Variants in ZNF777 observed in about 807,000 individuals in gnomAD.
ZNF777 encodes zinc finger protein 777.
ZNF777 carries 7 observed loss-of-function variants against 72.1 expected under a neutral mutation model. The observed-to-expected ratio is 0.10, with a 90% CI of 0.06 to 0.18. The LOEUF is 0.18. Among genes scored for constraint, ZNF777 ranks in the 10% least tolerant of loss-of-function variants. The pLI is 1.00. For missense variants in ZNF777, 828 were observed against 1,128.6 expected, an observed-to-expected ratio of 0.73 and a Z score of 3.82; for synonymous variants, 545 against 483.5, an observed-to-expected ratio of 1.13 and a Z score of -1.67.
rs529651785 is a variant in ZNF777, at chr7:149,460,875, G to C, written c.-76C>G. ...GGCCGGGAGGCGCGCGGGCGGAGGCGCAGTCGGAGCGCGCAGCCCAGGCGA... is the reference window on the plus strand; with the variant it reads ...GGCCGGGAGGCGCGCGGGCGGAGGCCCAGTCGGAGCGCGCAGCCCAGGCGA... On this transcript the variant is annotated 5_prime_UTR_variant, in exon 1 of 6. Transcript: ENST00000247930. This position sits in a 1 kb window ranked among gnomAD's most constrained non-coding sequence, Gnocchi z 6.1. 6.6e-6 allele frequency: 1 copy of C among 152,452 alleles called. No homozygotes were observed. Among genetic ancestry groups the C allele is most frequent in the South Asian group, 2.1e-4 (1 of 4,834 alleles). 9.4% of individuals were successfully genotyped at this position (152,452 alleles called of 1,614,324 possible).
rs1234912179 is a variant in ZNF777, at chr7:149,431,497, C to CTGAT, written c.*275_*278dup. The CTGAT allele has an allele frequency of 2.2e-5, 10 of 451,568 alleles. No homozygotes were observed. The highest frequency in any genetic ancestry group is 1.4e-4 in the African/African-American group (7 of 49,774). The allele number at this position is 451,568 out of a possible 1,614,324, so 28.0% of individuals were successfully genotyped here. ...CGGCGGCCAAATCACGCCCCCCGTG[C>CTGAT]TGATTGGTTTCATCCATTTTATTGT... is the stretch of plus-strand genomic sequence containing the variant. On this transcript the variant is annotated 3_prime_UTR_variant, in exon 6 of 6. Transcript: ENST00000247930.
At position 149,460,333 on chromosome 7, in the gene ZNF777, G is replaced by A. The variant is rs573646794; in HGVS notation, c.-16+482C>T. 6.8e-4 allele frequency among the ~76,000 whole-genome samples: 99 copies of A among 145,966 alleles called. 1 individual carries two copies. The highest frequency in any genetic ancestry group is 1.1e-3 in the Non-Finnish European group (71 of 65,746). On this transcript the variant is annotated intron_variant, in intron 1 of 5. Transcript: ENST00000247930. This position sits in a 1 kb window ranked among gnomAD's most constrained non-coding sequence, Gnocchi z 6.1. The stretch of plus-strand genomic sequence containing the variant: ...CCGGCCTGCTCGGGGCGCGCGGGGC[G>A]AGCGGGCGCGGGGTCGCGGAGCCCG...
At chr7:149,452,393 G>A (rs1440614578) in intron 3 of ZNF777, among the ~76,000 whole-genome samples, 1 of 152,082 alleles carries the variant, frequency 6.6e-6, no homozygotes. Context: ...CACTTTGGGA[G>A]GCCGAGGTGG....
At chr7:149,435,324 C>T (rs923314032) in intron 5 of ZNF777, among the ~76,000 whole-genome samples, 1 of 152,130 alleles carries the variant, frequency 6.6e-6, no homozygotes, top group African/African-American at 2.4e-5. Flanking sequence ...GCATGCGCCA[C>T]CATTCCCGGC....
chr7:149,436,750 G>A lies in ZNF777; in HGVS notation c.1164C>T (p.Pro388=), dbSNP rs747317852. 8 of 1,614,106 alleles carry A rather than the reference G, an allele frequency of 5.0e-6. No individual in the cohort carries two copies. Among genetic ancestry groups the A allele is most frequent in the South Asian group, 1.1e-5 (1 of 91,074 alleles). ...EGSESLETPE[P]LMGQVEEHGF... is the part of the protein sequence containing the mutation. The stretch of plus-strand genomic sequence containing the variant: ...CGTGCTCTTCCACCTGTCCCATCAG[G>A]GGCTCAGGTGTCTCCAAACTTTCTG... The change falls in exon 5 of 6, where the codon CCC becomes CCT. Residue 388 remains proline, a synonymous_variant. Coordinates refer to ENST00000247930, the MANE Select transcript of ZNF777 (RefSeq NM_015694.3). This position sits in a 1 kb window ranked among gnomAD's most constrained non-coding sequence, Gnocchi z 5.0.
Position 149,432,507 on chromosome 7 carries a change from G to A in ZNF777, c.1765C>T (p.Leu589Phe), listed in dbSNP as rs374322557. Residue 589 changes from leucine (L) to phenylalanine (F), a missense_variant, in exon 6 of 6, where the codon CTC (leucine) becomes TTC (phenylalanine). Leu to Phe is a conservative substitution (Grantham distance 22, BLOSUM62 0). Around this residue, in one of 12 missense-constraint regions of ZNF777, gnomAD observed 100 missense variants for 106.2 expected, o/e 0.94. Transcript: ENST00000247930. ...CEISFRHKQQ[L>F]TLHQRIHRVR... ...CGGTGGATGCGCTGGTGCAGCGTGA[G>A]CTGTTGCTTGTGCCGGAAGCTGATC... The A allele has an allele frequency of 4.3e-6, 7 of 1,613,906 alleles. No homozygotes were observed. The highest frequency in any genetic ancestry group is 5.9e-6 in the Non-Finnish European group (7 of 1,179,872).
chr7:149,444,706 C>T (rs1799575371), intron 4 of ZNF777, among the ~76,000 whole-genome samples: 1 of 152,238 alleles, frequency 6.6e-6, no homozygotes. Flanking sequence ...AAAGGCACTA[C>T]TCTACTGTCT....
intron 4 of ZNF777, among the ~76,000 whole-genome samples, chr7:149,443,201 G>T (rs1226190290): frequency 6.6e-6 from 1 of 151,362 alleles, no homozygotes; most frequent in Admixed American, 6.6e-5. Flanking sequence ...ACTACTGTCA[G>T]CTATGAAAAA....
At chr7:149,438,914 C>G (rs59682733) in intron 4 of ZNF777, among the ~76,000 whole-genome samples, 3 of 152,246 alleles carry the variant, frequency 2.0e-5, no homozygotes, top group African/African-American at 4.8e-5. Flanking sequence ...TTTACCCCCC[C>G]GCCACAGCCT....
At chr7:149,446,079 T>C (rs534336111) in intron 4 of ZNF777, among the ~76,000 whole-genome samples, 1 of 152,334 alleles carries the variant, frequency 6.6e-6, no homozygotes, top group South Asian at 2.1e-4. Flanking sequence ...GTTTCTTCAC[T>C]CTTGTTTTAG....
intron 4 of ZNF777, among the ~76,000 whole-genome samples, chr7:149,446,041 C>T (rs895667162): frequency 2.0e-5 from 3 of 152,146 alleles, no homozygotes; most frequent in Non-Finnish European, 4.4e-5. Context: ...TGAAAAACTT[C>T]GTTGCTGTTT....
intron 4 of ZNF777, among the ~76,000 whole-genome samples, chr7:149,449,981 T>A (rs1303042182): frequency 6.6e-6 from 1 of 152,186 alleles, no homozygotes; most frequent in Non-Finnish European, 1.5e-5. Context: ...GAACATCTGC[T>A]TGGAGCCAGT....
intron 4 of ZNF777, among the ~76,000 whole-genome samples, chr7:149,442,302 C>G (rs1421685811): frequency 1.4e-5 from 2 of 147,996 alleles, no homozygotes; most frequent in East Asian, 4.0e-4. Context: ...CACACACACA[C>G]AGACACACAC....
rs953446138 is a variant in ZNF777, at chr7:149,455,331, G to A, written c.692C>T (p.Ala231Val). The change falls in exon 2 of 6, where the codon GCG becomes GTG. Residue 231 changes from alanine (A) to valine (V), a missense_variant. Physicochemically the swap from Ala to Val is moderately conservative, Grantham distance 64. This residue lies in a region of ZNF777 where 76 missense variants were observed against 157.3 expected (regional missense o/e 0.48). Transcript: ENST00000247930. This position sits in a 1 kb window ranked among gnomAD's most constrained non-coding sequence, Gnocchi z 4.2. ...GACCCACTTGCTCTCCAGATGGTTCGCGAACTCCACGGCTGTCTTCTCGCA... is the reference window on the plus strand; with the variant it reads ...GACCCACTTGCTCTCCAGATGGTTCACGAACTCCACGGCTGTCTTCTCGCA... ...ADCEKTAVEF[A>V]NHLESKWVVL... 5 of 1,614,064 alleles carry A rather than the reference G, an allele frequency of 3.1e-6. No individual in the cohort carries two copies. Among genetic ancestry groups the A allele is most frequent in the African/African-American group, 1.3e-5 (1 of 74,914 alleles).
rs538637526 is a variant in ZNF777 at position 149,436,006 on chromosome 7, C to T, written c.1339+569G>A. Reference sequence around the variant, plus strand: ...TGGCTCAGCATCAGAAAATCCATCACGAAAGATGTCCTGGGATCAGGCCAC... The same window carrying T: ...TGGCTCAGCATCAGAAAATCCATCATGAAAGATGTCCTGGGATCAGGCCAC... On this transcript the variant is annotated intron_variant, in intron 5 of 5. Coordinates refer to ENST00000247930, the MANE Select transcript of ZNF777 (RefSeq NM_015694.3). The surrounding 1 kb of genome is among the most constrained non-coding windows in gnomAD (Gnocchi z 5.0). Among the ~76,000 whole-genome samples the T allele has an allele frequency of 7.0e-4, 107 of 152,270 alleles. No homozygotes were observed. The highest frequency in any genetic ancestry group is 3.4e-3 in the Middle Eastern group (1 of 292).
intron 4 of ZNF777, among the ~76,000 whole-genome samples, chr7:149,445,386 G>A (rs1799585280): frequency 6.6e-6 from 1 of 151,878 alleles, no homozygotes; most frequent in East Asian, 1.9e-4. Flanking sequence ...CTCATTCTTG[G>A]TTGTCCCCGG....
chr7:149,455,568 T>C lies in ZNF777; in HGVS notation c.455A>G (p.Asp152Gly). Reference protein sequence around the residue: ...LSPTVPETDMDPLLQSPVSQK... With the variant: ...LSPTVPETDMGPLLQSPVSQK... ...GGAAACCGGGCTCTGGAGCAGCGGG[T>C]CCATGTCAGTCTCGGGAACTGTTGG... Residue 152 changes from aspartate (D) to glycine (G), a missense_variant, in exon 2 of 6, where the codon GAC becomes GGC. This residue lies in a region of ZNF777 where 222 missense variants were observed against 211.2 expected (regional missense o/e 1.05). Coordinates refer to ENST00000247930, the MANE Select transcript of ZNF777 (RefSeq NM_015694.3). The surrounding 1 kb of genome is among the most constrained non-coding windows in gnomAD (Gnocchi z 4.2). The C allele has an allele frequency of 6.2e-7, 1 of 1,612,770 alleles. No individual in the cohort carries two copies. Among genetic ancestry groups the C allele is most frequent in the Non-Finnish European group, 8.5e-7 (1 of 1,179,842 alleles).
Position 149,455,450 on chromosome 7 carries a change from G to A in ZNF777, c.573C>T (p.Ala191=), listed in dbSNP as rs781450383. 11 of 1,614,030 alleles carry A rather than the reference G, an allele frequency of 6.8e-6. No homozygotes were observed. The highest frequency in any genetic ancestry group is 3.3e-5 in the South Asian group (3 of 91,082). The change falls in exon 2 of 6, where the codon GCC becomes GCT. Residue 191 remains alanine (A), a synonymous_variant. Transcript: ENST00000247930. The surrounding 1 kb of genome is among the most constrained non-coding windows in gnomAD (Gnocchi z 4.2). The part of the protein sequence containing the change: ...AEITRLAVWA[A]VQAVERKLEA... ...CCAGCTTCCTCTCCACTGCTTGGAC[G>A]GCAGCCCACACAGCCAAGCGGGTGA...
At chr7:149,448,792 T>C (rs1030729786) in intron 4 of ZNF777, among the ~76,000 whole-genome samples, 17 of 151,944 alleles carry the variant, frequency 1.1e-4, no homozygotes, top group African/African-American at 4.1e-4. Context: ...CTGGCCTCCA[T>C]GGCCACCCTT....
Sources: gnomAD v4.1 joint callset for allele counts (sites outside exome capture counted in the v4.1 genomes callset) on GRCh38, gnomAD v4.1.1 for gene constraint, gnomAD v4.1.1 regional missense constraint, Gnocchi (gnomAD v3.1) non-coding constraint, MANE v1.5 for transcripts, NCBI Gene and HGNC (gene_info 2026-07-23, HGNC 2026-07-21) for gene names.